The following SOX5 variants were observed in gnomAD, a reference collection of about 807,000 sequenced individuals.
SOX5 encodes the protein SRY-box transcription factor 5, also known as transcription factor SOX-5.
SOX5 carries 9 observed loss-of-function variants against 92.0 expected under a neutral mutation model. The observed-to-expected ratio is 0.10, with a 90% CI of 0.06 to 0.17. The LOEUF (loss-of-function observed/expected upper bound fraction) is 0.17, where lower values mean the gene tolerates loss of function less well. SOX5 is among the 10% of genes least tolerant of loss of function. The probability of loss-of-function intolerance (pLI) is 1.00; values close to 1 mark genes in which losing one functional copy is unlikely to be tolerated. For missense variants in SOX5, 642 were observed against 944.5 expected (o/e 0.68, Z 4.20); for synonymous variants, 344 against 336.3 (o/e 1.02, Z -0.25).
intron 2 of SOX5, among the ~76,000 whole-genome samples, chr12:24,312,927 T>C (rs1007157756): frequency 6.6e-6 from 1 of 152,228 alleles, no homozygotes; most frequent in African/African-American, 2.4e-5. Flanking sequence ...TTCTGCTTTT[T>C]GGCATATCAT....
intron 4 of SOX5, among the ~76,000 whole-genome samples, chr12:23,754,035 C>T (rs1315931365): frequency 6.6e-6 from 1 of 151,808 alleles, no homozygotes; most frequent in Non-Finnish European, 1.5e-5. Context: ...CTAACTTATA[C>T]TCTGAATGTG....
At chr12:24,493,408 G>C (rs1347288850) in intron 1 of SOX5, among the ~76,000 whole-genome samples, 1 of 152,104 alleles carries the variant, frequency 6.6e-6, no homozygotes, top group African/African-American at 2.4e-5. Flanking sequence ...TTAGAATAAA[G>C]TATGGACTTT....
At chr12:24,109,613 T>A (rs1947088998) in intron 4 of SOX5, among the ~76,000 whole-genome samples, 1 of 152,148 alleles carries the variant, frequency 6.6e-6, no homozygotes, top group South Asian at 2.1e-4. Flanking sequence ...GCTAGCTGCA[T>A]CTCATATCCA....
At chr12:23,785,896 T>G (rs534139598) in intron 3 of SOX5, among the ~76,000 whole-genome samples, 2 of 152,182 alleles carry the variant, frequency 1.3e-5, no homozygotes, top group East Asian at 1.9e-4. Context: ...TTTCATGGTG[T>G]TGTTAAATTA....
chr12:24,200,084 C>A (rs1957371562), intron 4 of SOX5, among the ~76,000 whole-genome samples: 1 of 152,188 alleles, frequency 6.6e-6, no homozygotes, highest in Non-Finnish European at 1.5e-5. Flanking sequence ...AAAAGACCCA[C>A]AACACTTCTC....
intron 4 of SOX5, among the ~76,000 whole-genome samples, chr12:24,027,592 T>A (rs1955019763): frequency 6.6e-6 from 1 of 151,840 alleles, no homozygotes. Context: ...GGATGGTAAC[T>A]CCCCCTCTAC....
At chr12:23,758,116 T>C (rs2094456412) in intron 3 of SOX5, among the ~76,000 whole-genome samples, 1 of 151,356 alleles carries the variant, frequency 6.6e-6, no homozygotes, top group African/African-American at 2.4e-5. Flanking sequence ...TGTCTGTGGA[T>C]GAATAAAGAC....
chr12:23,549,968 C>T (rs1943882472), intron 11 of SOX5, among the ~76,000 whole-genome samples: 1 of 151,952 alleles, frequency 6.6e-6, no homozygotes, highest in Non-Finnish European at 1.5e-5. Context: ...ACTCCAAAAT[C>T]TGACATACAG....
At chr12:23,809,019 T>G (rs2095829887) in intron 3 of SOX5, among the ~76,000 whole-genome samples, 2 of 152,166 alleles carry the variant, frequency 1.3e-5, no homozygotes, top group Admixed American at 1.3e-4. Flanking sequence ...TCCTTCAAAC[T>G]CATGTATTCA....
At chr12:23,672,987 CAT>C (rs1002237796) in intron 6 of SOX5, among the ~76,000 whole-genome samples, 3 of 152,050 alleles carry the variant, frequency 2.0e-5, no homozygotes, top group African/African-American at 7.2e-5. Flanking sequence ...AAAATGATGA[CAT>C]GTATTATAAA....
chr12:24,108,576 T>C (rs1481865757), intron 4 of SOX5, among the ~76,000 whole-genome samples: 1 of 152,154 alleles, frequency 6.6e-6, no homozygotes, highest in Non-Finnish European at 1.5e-5. Context: ...AAGTTTAAAA[T>C]GACATTAATT....
chr12:24,176,173 C>T (rs1356193983), intron 4 of SOX5, among the ~76,000 whole-genome samples: 1 of 151,840 alleles, frequency 6.6e-6, no homozygotes, highest in Non-Finnish European at 1.5e-5. Flanking sequence ...TCTACAAAAA[C>T]TATAAATTAG....
intron 4 of SOX5, among the ~76,000 whole-genome samples, chr12:24,083,484 T>A (rs1943608819): frequency 2.6e-5 from 4 of 152,086 alleles, no homozygotes; most frequent in Admixed American, 2.6e-4. Context: ...TATAATCGGC[T>A]GGGAAAACAT....
chr12:24,427,110 A>G (rs1289477959), intron 1 of SOX5, among the ~76,000 whole-genome samples: 1 of 152,250 alleles, frequency 6.6e-6, no homozygotes, highest in Admixed American at 6.5e-5. Flanking sequence ...AGTACCTATT[A>G]GCGATATACC....
At chr12:23,543,665 A>T (rs921496764) in intron 12 of SOX5, among the ~76,000 whole-genome samples, 4 of 152,214 alleles carry the variant, frequency 2.6e-5, no homozygotes, top group Non-Finnish European at 4.4e-5. Context: ...ATAAACTCCG[A>T]TATGTGATTT....
intron 1 of SOX5, among the ~76,000 whole-genome samples, chr12:24,552,789 C>T (rs1953325929): frequency 6.6e-6 from 1 of 152,204 alleles, no homozygotes; most frequent in Non-Finnish European, 1.5e-5. Context: ...CACTTCAGCT[C>T]GGGAGTTCAA....
At chr12:24,068,702 GTGTATATATATATATATATA>G (rs1462035306) in intron 4 of SOX5, among the ~76,000 whole-genome samples, 1 of 53,028 alleles carries the variant, frequency 1.9e-5, no homozygotes, top group African/African-American at 8.2e-5. Context: ...GTGTGTGTGT[GTGTATATATATATATATATA>G]TATATATATA....
At chr12:23,543,728 A>AGT (rs905361458) in intron 12 of SOX5, among the ~76,000 whole-genome samples, 1 of 152,230 alleles carries the variant, frequency 6.6e-6, no homozygotes, top group African/African-American at 2.4e-5. Flanking sequence ...GCATACCAGT[A>AGT]GTGTAGAAAC....
intron 3 of SOX5, among the ~76,000 whole-genome samples, chr12:23,824,452 GT>G (rs1332745619): frequency 6.6e-6 from 1 of 152,218 alleles, no homozygotes; most frequent in Admixed American, 6.5e-5. Context: ...AGCTGAGGCT[GT>G]AGAACAGCAA....
Sources: gnomAD v4.1 joint callset for allele counts (sites outside exome capture counted in the v4.1 genomes callset) on GRCh38, gnomAD v4.1.1 for gene constraint, MANE v1.5 for transcripts, NCBI Gene and HGNC (gene_info 2026-07-23, HGNC 2026-07-21) for gene names.